Variants in PSG3 observed in about 807,000 individuals in gnomAD.
The protein encoded by PSG3 is pregnancy specific beta-1-glycoprotein 3, also known as pregnancy-specific beta-1-glycoprotein 3.
Under a neutral mutation model 47.5 loss-of-function variants are expected in PSG3, and 61 were observed. The observed-to-expected ratio is 1.28, with a 90% CI of 1.05 to 1.59. PSG3 has a LOEUF of 1.59. PSG3 is among the 40% of genes most tolerant of loss of function. The pLI is 0.00. For synonymous variants in PSG3, 263 were observed against 198.4 expected (o/e 1.33, Z -2.74); for missense variants, 756 against 524.0 (o/e 1.44, Z -4.32).
chr19:42,729,601 A>G (rs756352405), intron 4 of PSG3, among the ~76,000 whole-genome samples, 177 bp downstream of exon 4: 5 of 152,130 alleles, frequency 3.3e-5, no homozygotes, highest in Non-Finnish European at 7.4e-5. Flanking sequence ...CTCCCCTTAT[A>G]TTCTTGGTTA....
chr19:42,735,989 A>G (rs565752717), intron 2 of PSG3, among the ~76,000 whole-genome samples: 1 of 152,356 alleles, frequency 6.6e-6, no homozygotes, highest in South Asian at 2.1e-4. Context: ...GTCCTCACTC[A>G]TTCCTGGGCA....
At chr19:42,724,437 T>C (rs1444821542) in intron 5 of PSG3, among the ~76,000 whole-genome samples, 2 of 152,200 alleles carry the variant, frequency 1.3e-5, no homozygotes, top group Non-Finnish European at 2.9e-5. Context: ...CCCAGGTCAG[T>C]GCATTTCAAA....
At chr19:42,738,458 T>C (rs1417424834) in intron 2 of PSG3, among the ~76,000 whole-genome samples, 1 of 152,194 alleles carries the variant, frequency 6.6e-6, no homozygotes, top group Non-Finnish European at 1.5e-5. Context: ...CATGAGGTGC[T>C]TGGCTGAGAC....
intron 5 of PSG3, among the ~76,000 whole-genome samples, chr19:42,728,844 G>C (rs1378196563): frequency 6.6e-6 from 1 of 152,166 alleles, no homozygotes; most frequent in Non-Finnish European, 1.5e-5. Context: ...TCTCCTTCTT[G>C]TCCCTCTCTG....
chr19:42,725,240 G>A (rs1600378845), intron 5 of PSG3, among the ~76,000 whole-genome samples: 1 of 152,144 alleles, frequency 6.6e-6, no homozygotes, highest in Admixed American at 6.5e-5. Flanking sequence ...CAGTTTTCAG[G>A]TGAGGTATCA....
intron 2 of PSG3, among the ~76,000 whole-genome samples, chr19:42,736,122 G>T (rs151239845): frequency 0.014 from 2,148 of 152,296 alleles, 57 homozygotes; most frequent in African/African-American, 0.05. Context: ...TAAAACTAGT[G>T]AAAGACCATG....
At position 42,729,237 on chromosome 19, in the gene PSG3, G is replaced by T. The variant is rs529999645; in HGVS notation, c.1129C>A (p.Gln377Lys). ...TINGKFQLSG[Q>K]KLFIPQITTK... ...GTAATCTGGGGGATAAAGAGCTTTT[G>T]TCCTGATAGCTGAAACTTCCCATTA... is the stretch of plus-strand genomic sequence containing the variant. Residue 377 changes from glutamine (Q) to lysine (K), a missense_variant, in exon 5 of 7, where the codon CAA (glutamine) becomes AAA (lysine). Gln to Lys is a moderately conservative substitution (Grantham distance 53). Coordinates refer to ENST00000327495, the MANE Select transcript of PSG3 (RefSeq NM_021016.4). The T allele has an allele frequency of 2.5e-6, 4 of 1,614,034 alleles. No individual in the cohort carries two copies. The highest frequency in any genetic ancestry group is 2.7e-5 in the African/African-American group (2 of 75,050).
chr19:42,732,783 C>G lies in PSG3; in HGVS notation c.709+1G>C, dbSNP rs762734714. On this transcript the variant is annotated splice_donor_variant, in intron 3 of 6. Transcript: ENST00000327495. LOFTEE classifies it high-confidence loss of function. Reference sequence around the variant, plus strand: ...CTCACAGAGGAACAGGAGATACTCACGGAGGAGATTCAGGGTGACTGGGTC... The same window carrying G: ...CTCACAGAGGAACAGGAGATACTCAGGGAGGAGATTCAGGGTGACTGGGTC... The G allele has an allele frequency of 6.2e-7, 1 of 1,614,080 alleles. No homozygotes were observed. Among genetic ancestry groups the G allele is most frequent in the Admixed American group, 1.7e-5 (1 of 60,020 alleles).
At chr19:42,732,746 A>G in intron 3 of PSG3, 38 bp downstream of exon 3, 2 of 1,614,146 alleles carry the variant, frequency 1.2e-6, no homozygotes, top group African/African-American at 1.3e-5. Context: ...TGTATTTGGG[A>G]TGGCAGACTG....
chr19:42,732,751 A>C, intron 3 of PSG3, 33 bp downstream of exon 3: 7 of 1,614,190 alleles, frequency 4.3e-6, no homozygotes, highest in Non-Finnish European at 5.1e-6. Flanking sequence ...TTGGGATGGC[A>C]GACTGGCTCA....
chr19:42,722,575 A>C (rs908115184), intron 6 of PSG3, among the ~76,000 whole-genome samples: 2 of 152,208 alleles, frequency 1.3e-5, no homozygotes, highest in Non-Finnish European at 2.9e-5. Context: ...TATTATTAAC[A>C]TTCCCATAAA....
chr19:42,730,718 G>T (rs1969459416), intron 3 of PSG3, among the ~76,000 whole-genome samples: 1 of 152,222 alleles, frequency 6.6e-6, no homozygotes, highest in African/African-American at 2.4e-5. Context: ...CAGAGTGCAA[G>T]GAATGATCTA....
At chr19:42,739,133 T>C (rs548387886) in intron 1 of PSG3, 44 bp from the exon 2 acceptor site, 54 of 1,561,120 alleles carry the variant, frequency 3.5e-5, no homozygotes, top group Non-Finnish European at 4.3e-5. Context: ...GACCTATGCA[T>C]TGGGGTGAAA....
chr19:42,738,683 C>A (rs1323206777), intron 2 of PSG3, 41 bp downstream of exon 2: 2 of 1,612,126 alleles, frequency 1.2e-6, no homozygotes, highest in African/African-American at 1.3e-5. Flanking sequence ...GAAGTAAAGA[C>A]CCCATCCCCC....
At chr19:42,723,395 T>C (rs1969326966) in intron 6 of PSG3, among the ~76,000 whole-genome samples, 1 of 152,130 alleles carries the variant, frequency 6.6e-6, no homozygotes, top group South Asian at 2.1e-4. Flanking sequence ...CAGTTCTAAT[T>C]AGGATGGAGG....
chr19:42,728,287 C>T (rs1184340473), intron 5 of PSG3, among the ~76,000 whole-genome samples: 3 of 151,906 alleles, frequency 2.0e-5, no homozygotes, highest in Non-Finnish European at 4.4e-5. Context: ...GTAGTCTTAC[C>T]CTCTCTATAA....
chr19:42,735,572 T>G (rs1360448568), intron 2 of PSG3, among the ~76,000 whole-genome samples: 1 of 152,172 alleles, frequency 6.6e-6, no homozygotes, highest in Non-Finnish European at 1.5e-5. Flanking sequence ...TTCACCATGT[T>G]AGCCAGGATG....
chr19:42,729,426 G>C (rs775315840), intron 4 of PSG3, 49 bp from the exon 5 acceptor site: 14 of 1,577,054 alleles, frequency 8.9e-6, no homozygotes, highest in Non-Finnish European at 1.0e-5. Context: ...GAGGGAAGGG[G>C]ATGCTCCTGG....
At chr19:42,726,762 AT>A (rs897817879) in intron 5 of PSG3, among the ~76,000 whole-genome samples, 16 of 152,170 alleles carry the variant, frequency 1.1e-4, no homozygotes, top group Non-Finnish European at 1.9e-4. Flanking sequence ...TCTCAGTGAC[AT>A]TTTTGCAGTA....
Sources: allele counts gnomAD v4.1 joint callset (sites outside exome capture counted in the v4.1 genomes callset), GRCh38; gene constraint gnomAD v4.1.1; transcripts MANE v1.5; gene names NCBI Gene and HGNC (gene_info 2026-07-23, HGNC 2026-07-21).